SEC22C: variants seen among roughly 807,000 people sequenced by gnomAD.
SEC22C encodes the protein vesicle-trafficking protein SEC22c.
SEC22C carries 29 observed loss-of-function variants against 34.7 expected under a neutral mutation model. The ratio of observed to expected loss-of-function variants is 0.84; its 90% confidence interval spans 0.62 to 1.14. The LOEUF is 1.14. Among genes scored for constraint, SEC22C ranks in the 50% most tolerant of loss-of-function variants. SEC22C has a pLI of 0.00. For missense variants in SEC22C, 337 were observed against 369.0 expected (o/e 0.91, Z 0.71); for synonymous variants, 117 against 132.8 (o/e 0.88, Z 0.82).
chr3:42,566,171 T>A (rs1031715600), intron 2 of SEC22C, among the ~76,000 whole-genome samples: 36 of 152,138 alleles, frequency 2.4e-4, no homozygotes, highest in Admixed American at 2.2e-3. Flanking sequence ...TGTGGGCAGG[T>A]GCAACTCAGT....
chr3:42,590,192 T>A (rs1704770368), intron 1 of SEC22C, among the ~76,000 whole-genome samples: 1 of 151,950 alleles, frequency 6.6e-6, no homozygotes, highest in Non-Finnish European at 1.5e-5. Flanking sequence ...AATACCAGAG[T>A]TTTCCTGGCC....
rs371354879 is a variant in SEC22C, at chr3:42,553,386, A to G, written c.774T>C (p.Phe258=). 64 of 1,614,052 alleles carry G rather than the reference A, an allele frequency of 4.0e-5. No homozygotes were observed. The highest frequency in any genetic ancestry group is 5.0e-5 in the Non-Finnish European group (59 of 1,180,030). The part of the protein sequence containing the change: ...RTMKVVLMLL[F]ICLGNMYLHG... Reference sequence around the variant, plus strand: ...GCAGGTACATGTTGCCCAGGCAAATAAAGAGCAGCATAAGCACCACCTTCA... The same window carrying G: ...GCAGGTACATGTTGCCCAGGCAAATGAAGAGCAGCATAAGCACCACCTTCA... Residue 258 remains phenylalanine, a synonymous_variant, in exon 7 of 7, where the codon TTT becomes TTC. Coordinates refer to ENST00000264454, the MANE Select transcript of SEC22C (RefSeq NM_032970.4).
intron 1 of SEC22C, chr3:42,590,919 G>A (rs1704802375): frequency 1.2e-6 from 2 of 1,609,474 alleles, no homozygotes; most frequent in Admixed American, 1.7e-5. Flanking sequence ...CTTCGTACCG[G>A]ACTGGCTGAG....
At chr3:42,567,149 G>A (rs1253670035) in intron 2 of SEC22C, among the ~76,000 whole-genome samples, 4 of 152,154 alleles carry the variant, frequency 2.6e-5, no homozygotes, top group South Asian at 2.1e-4. Context: ...CGATCTTCCC[G>A]CCTCAGCCTC....
chr3:42,585,875 C>T (rs911123316), upstream of SEC22C, among the ~76,000 whole-genome samples: 1 of 152,174 alleles, frequency 6.6e-6, no homozygotes, highest in Non-Finnish European at 1.5e-5. Context: ...GCAGCTCTCT[C>T]TCCAGCTCTC....
chr3:42,554,849 C>A (rs1702431469), intron 6 of SEC22C, among the ~76,000 whole-genome samples: 1 of 152,120 alleles, frequency 6.6e-6, no homozygotes, highest in South Asian at 2.1e-4. Context: ...CTCAAAATCG[C>A]CTCTTTATGC....
chr3:42,575,324 T>C (rs1438003207), intron 1 of SEC22C, among the ~76,000 whole-genome samples: 1 of 152,178 alleles, frequency 6.6e-6, no homozygotes, highest in Non-Finnish European at 1.5e-5. Context: ...AATATGACAA[T>C]TGCCAAAACA....
At chr3:42,600,795 C>T (rs1577389138) in intron 1 of SEC22C, 2 of 388,036 alleles carry the variant, frequency 5.2e-6, no homozygotes, top group Non-Finnish European at 9.3e-6. Flanking sequence ...AGCTCGCCCG[C>T]ATGCGTGCGC....
Position 42,552,151 on chromosome 3 carries a change from A to AACTC in SEC22C, c.*1096_*1097insGAGT. 1 of 985,402 alleles carries AACTC rather than the reference A, an allele frequency of 1.0e-6. No homozygotes were observed. Among genetic ancestry groups the AACTC allele is most frequent in the Non-Finnish European group, 1.2e-6 (1 of 829,862 alleles). The allele number at this position is 985,402 out of a possible 1,614,324, so 61.0% of individuals were successfully genotyped here. A position where few individuals can be genotyped will look rare whatever the true frequency, so the allele number is the denominator to read the frequency against. Reference sequence around the variant, plus strand: ...GTGAAAGAGAGTAACTTTCCAGAGTATGTGTTAATTATATCTCTATCAAGC... The same window carrying AACTC: ...GTGAAAGAGAGTAACTTTCCAGAGTAACTCTGTGTTAATTATATCTCTATCAAGC... On this transcript the variant is annotated 3_prime_UTR_variant, in exon 7 of 7. Transcript: ENST00000264454.
upstream of SEC22C, among the ~76,000 whole-genome samples, chr3:42,586,023 A>G (rs1704600037): frequency 6.6e-6 from 1 of 151,924 alleles, no homozygotes; most frequent in South Asian, 2.1e-4. Flanking sequence ...TTAGCTCCAG[A>G]CAACTCCTCT....
At chr3:42,556,664 C>T (rs1009682087) in intron 5 of SEC22C, among the ~76,000 whole-genome samples, 1 of 152,178 alleles carries the variant, frequency 6.6e-6, no homozygotes, top group Non-Finnish European at 1.5e-5. Context: ...GTGGCACTAT[C>T]TTTAAAAGTA....
rs997347216 is a variant in SEC22C, at chr3:42,581,920, G to C, written c.-102C>G. ...GCCTCCTCAGCAATCTTAGCCGACC[G>C]GGAGGGCTCGGCCCAGGTCACCGGC... On this transcript the variant is annotated 5_prime_UTR_variant, in exon 1 of 7. Coordinates refer to ENST00000264454, the MANE Select transcript of SEC22C (RefSeq NM_032970.4). The C allele has an allele frequency of 6.6e-6, 1 of 152,306 alleles. No individual in the cohort carries two copies. Among genetic ancestry groups the C allele is most frequent in the Non-Finnish European group, 1.5e-5 (1 of 68,098 alleles). The allele number at this position is 152,306 out of a possible 1,614,324, so 9.4% of individuals were successfully genotyped here.
intron 1 of SEC22C, among the ~76,000 whole-genome samples, chr3:42,597,120 G>A (rs547409043): frequency 2.0e-5 from 3 of 152,250 alleles, no homozygotes; most frequent in South Asian, 2.1e-4. Flanking sequence ...ACCCAAGACC[G>A]CTAGCTTCTC....
intron 1 of SEC22C, among the ~76,000 whole-genome samples, chr3:42,588,173 G>T (rs1261029444): frequency 1.3e-5 from 2 of 152,100 alleles, no homozygotes; most frequent in Non-Finnish European, 1.5e-5. Context: ...GGAGGCCGAG[G>T]CAGACAGATC....
chr3:42,577,640 C>T (rs959885967), intron 1 of SEC22C, among the ~76,000 whole-genome samples: 1 of 152,188 alleles, frequency 6.6e-6, no homozygotes, highest in African/African-American at 2.4e-5. Context: ...CAAACTGGAT[C>T]TCTCATGCAT....
At chr3:42,567,182 G>A (rs571007612) in intron 2 of SEC22C, among the ~76,000 whole-genome samples, 5 of 152,200 alleles carry the variant, frequency 3.3e-5, no homozygotes, top group East Asian at 1.9e-4. Context: ...GATTACAGGC[G>A]TGAGCCACTG....
intron 4 of SEC22C, 84 bp from the exon 5 acceptor site, chr3:42,557,780 C>T (rs1040834179): frequency 1.5e-6 from 1 of 662,942 alleles, no homozygotes; most frequent in Non-Finnish European, 2.8e-6. Flanking sequence ...ACTAGACCTA[C>T]ACTAATGATA....
intron 2 of SEC22C, among the ~76,000 whole-genome samples, chr3:42,568,057 G>A (rs909881186): frequency 2.7e-5 from 4 of 150,928 alleles, no homozygotes; most frequent in Non-Finnish European, 4.4e-5. Context: ...GGGCCACAAG[G>A]GCAAAACTGT....
Position 42,548,528 on chromosome 3 carries a change from T to C in SEC22C, c.*4720A>G. The C allele has an allele frequency of 5.4e-6, 8 of 1,472,276 alleles. No homozygotes were observed. Among genetic ancestry groups the C allele is most frequent in the South Asian group, 3.4e-5 (3 of 87,296 alleles). 91.2% of individuals were successfully genotyped at this position (1,472,276 alleles called of 1,614,324 possible). A position where few individuals can be genotyped will look rare whatever the true frequency, so the allele number is the denominator to read the frequency against. ...CCCTTTTCCACAGGCTCCCTGCTGA[T>C]GAGATTTCCCCAGCAGCAGAAGTTT... On this transcript the variant is annotated 3_prime_UTR_variant, in exon 7 of 7. Transcript: ENST00000264454.
Sources: allele counts gnomAD v4.1 joint callset (sites outside exome capture counted in the v4.1 genomes callset), GRCh38; gene constraint gnomAD v4.1.1; transcripts MANE v1.5; gene names NCBI Gene and HGNC (gene_info 2026-07-23, HGNC 2026-07-21).